The following AFF2 variants were observed in gnomAD, a reference collection of about 807,000 sequenced individuals.
AFF2 encodes the protein AF4/FMR2 family member 2.
Under a neutral mutation model 76.9 loss-of-function variants are expected in AFF2, and 14 were observed. The ratio of observed to expected loss-of-function variants is 0.18; its 90% CI spans 0.12 to 0.28. The LOEUF is 0.28. Among genes scored for constraint, AFF2 ranks in the 10% least tolerant of loss-of-function variants. The pLI is 1.00. For missense variants in AFF2, 868 were observed against 1,001.1 expected, an observed-to-expected ratio of 0.87 and a Z score of 1.79; for synonymous variants, 398 against 366.7, an observed-to-expected ratio of 1.09 and a Z score of -0.98.
At chrX:148,809,827 A>G in intron 3 of AFF2, 49 bp from the exon 4 acceptor site, 2 of 1,152,760 alleles carry the variant, frequency 1.7e-6, no homozygotes, top group African/African-American at 1.8e-5. Flanking sequence ...CTATTATACA[A>G]GAAGAAGAAG....
At chrX:148,614,746 C>CT (rs1557250042) in intron 1 of AFF2, among the ~76,000 whole-genome samples, 239 of 38,292 alleles carry the variant, frequency 6.2e-3, no homozygotes, top group African/African-American at 7.1e-3. Flanking sequence ...TCTTTTCTTT[C>CT]TTTCTTTCTT....
chrX:148,618,027 T>G lies in AFF2; in HGVS notation c.48-33972T>G, dbSNP rs899365830. ...CTCTTTCTCTCTCTCTGAGTGTATC[T>G]GTACATTTATATTTATGTGTGTATA... On this transcript the variant is annotated intron_variant, in intron 1 of 20. Coordinates refer to ENST00000370460, the MANE Select transcript of AFF2 (RefSeq NM_002025.4). Among the ~76,000 whole-genome samples the G allele has an allele frequency of 2.7e-5, 3 of 111,849 alleles. No individual in the cohort carries two copies. In the Admixed American group the frequency reaches 2.8e-4, roughly 11 times the overall value.
At chrX:148,709,023 A>G (rs781887466) in intron 3 of AFF2, among the ~76,000 whole-genome samples, 1 of 111,589 alleles carries the variant, frequency 9.0e-6, no homozygotes, top group South Asian at 3.7e-4. Context: ...TTGTATTAGT[A>G]TTGTGAATAA....
At chrX:148,913,504 A>AT (rs1178284178) in intron 9 of AFF2, among the ~76,000 whole-genome samples, 1 of 111,705 alleles carries the variant, frequency 9.0e-6, no homozygotes, top group Non-Finnish European at 1.9e-5. Context: ...ACCATCACTC[A>AT]TCTTTCCAAA....
intron 7 of AFF2, among the ~76,000 whole-genome samples, chrX:148,862,576 A>G (rs1557276502): frequency 9.0e-6 from 1 of 111,228 alleles, no homozygotes; most frequent in Non-Finnish European, 1.9e-5. Flanking sequence ...TCCCTCTGAA[A>G]CAGCCAAATT....
intron 13 of AFF2, among the ~76,000 whole-genome samples, chrX:148,964,465 G>A (rs1241128353): frequency 1.8e-5 from 2 of 111,914 alleles, no homozygotes; most frequent in Non-Finnish European, 3.8e-5. Flanking sequence ...CAATGGAAAA[G>A]GAAGGAAATC....
At chrX:148,825,598 T>TTG (rs2124654581) in intron 4 of AFF2, among the ~76,000 whole-genome samples, 1 of 108,947 alleles carries the variant, frequency 9.2e-6, no homozygotes, top group East Asian at 2.9e-4. Context: ...TAGTTTTTTT[T>TTG]TTTCATTTTT....
intron 7 of AFF2, among the ~76,000 whole-genome samples, chrX:148,845,313 T>A (rs1175968746): frequency 8.9e-6 from 1 of 112,452 alleles, no homozygotes; most frequent in Non-Finnish European, 1.9e-5. Flanking sequence ...GTTTCAGTAG[T>A]TTGTAACTAA....
At chrX:148,917,360 A>T (rs1271511292) in intron 9 of AFF2, among the ~76,000 whole-genome samples, 1 of 112,340 alleles carries the variant, frequency 8.9e-6, no homozygotes, top group Non-Finnish European at 1.9e-5. Flanking sequence ...CATTTTCAAG[A>T]ATGATAGAAG....
Position 148,707,349 on chromosome X carries a change from T to G in AFF2, c.1041+44581T>G, listed in dbSNP as rs1182609449. 4.5e-5 allele frequency among the ~76,000 whole-genome samples: 5 copies of G among 111,333 alleles called. No homozygotes were observed. The Admixed American group carries it at 4.8e-4, about 11-fold the overall frequency. On this transcript the variant is annotated intron_variant, in intron 3 of 20. Transcript: ENST00000370460. The stretch of plus-strand genomic sequence containing the variant: ...TGTAGAGACTAAAATCTGTGTATTG[T>G]AGGCATTAACATATTAATCTTTTTA...
intron 3 of AFF2, among the ~76,000 whole-genome samples, chrX:148,710,732 G>A (rs1557262833): frequency 2.7e-5 from 3 of 111,685 alleles, no homozygotes; most frequent in African/African-American, 9.8e-5. Flanking sequence ...TGCACAATGG[G>A]TTTATGTTTC....
chrX:148,718,918 C>T (rs1266448213), intron 3 of AFF2, among the ~76,000 whole-genome samples: 1 of 111,539 alleles, frequency 9.0e-6, no homozygotes, highest in African/African-American at 3.3e-5. Flanking sequence ...CCACGATTTA[C>T]CATGCACACT....
At chrX:148,858,293 T>C (rs1040797465) in intron 7 of AFF2, among the ~76,000 whole-genome samples, 3 of 111,713 alleles carry the variant, frequency 2.7e-5, no homozygotes, top group Non-Finnish European at 5.7e-5. Context: ...TGAATGATTA[T>C]AATACACAAT....
At chrX:148,964,175 C>T (rs1039877521) in intron 13 of AFF2, among the ~76,000 whole-genome samples, 3 of 112,025 alleles carry the variant, frequency 2.7e-5, no homozygotes, top group East Asian at 5.6e-4. Flanking sequence ...GGGACAGTAT[C>T]GTAAATCAGA....
At chrX:148,831,090 C>A (rs899028708) in intron 4 of AFF2, among the ~76,000 whole-genome samples, 1 of 112,339 alleles carries the variant, frequency 8.9e-6, no homozygotes, top group Admixed American at 9.4e-5. Flanking sequence ...CTGTTGCACC[C>A]GGCCCACAGG....
rs1557269657 is a variant in AFF2, at chrX:148,787,920, A to T, written c.1042-21956A>T. 4.4e-5 allele frequency among the ~76,000 whole-genome samples: 5 copies of T among 112,568 alleles called. No homozygotes were observed. The Admixed American group carries it at 4.7e-4, about 11-fold the overall frequency. Reference sequence around the variant, plus strand: ...GCAAGGGAGTTATATTGATCTGAGCACAGGAATTTGCAAACTCTCTTTCTC... The same window carrying T: ...GCAAGGGAGTTATATTGATCTGAGCTCAGGAATTTGCAAACTCTCTTTCTC... On this transcript the variant is annotated intron_variant, in intron 3 of 20. Coordinates refer to ENST00000370460, the MANE Select transcript of AFF2 (RefSeq NM_002025.4).
chrX:148,660,132 A>G (rs1557257547), intron 2 of AFF2, among the ~76,000 whole-genome samples: 2 of 112,046 alleles, frequency 1.8e-5, no homozygotes, highest in African/African-American at 6.5e-5. Context: ...CTTTTCCTTA[A>G]TCTTTGAAAT....
At chrX:148,638,126 A>G (rs2054050886) in intron 1 of AFF2, among the ~76,000 whole-genome samples, 1 of 112,059 alleles carries the variant, frequency 8.9e-6, no homozygotes, top group South Asian at 3.8e-4. Context: ...TAGTCAATTA[A>G]TAATGATAAC....
chrX:148,609,602 T>G (rs782357119), intron 1 of AFF2, among the ~76,000 whole-genome samples: 1 of 111,956 alleles, frequency 8.9e-6, no homozygotes, highest in African/African-American at 3.2e-5. Flanking sequence ...TTTCTGTACT[T>G]TGTAATTCCT....
Sources: allele counts gnomAD v4.1 joint callset (sites outside exome capture counted in the v4.1 genomes callset), GRCh38; gene constraint gnomAD v4.1.1; transcripts MANE v1.5; gene names NCBI Gene and HGNC (gene_info 2026-07-23, HGNC 2026-07-21).